JCAD: variants seen among roughly 807,000 people sequenced by gnomAD.
JCAD encodes junctional cadherin 5-associated protein.
Under a neutral mutation model 98.0 loss-of-function variants are expected in JCAD, and 40 were observed. The observed-to-expected ratio is 0.41, with a 90% CI of 0.32 to 0.53. The LOEUF (loss-of-function observed/expected upper bound fraction) is 0.53, where lower values mean the gene tolerates loss of function less well. JCAD is among the 20% of genes least tolerant of loss of function. The probability of loss-of-function intolerance (pLI) is 0.31; values close to 1 mark genes in which losing one functional copy is unlikely to be tolerated. For synonymous variants in JCAD, 691 were observed against 682.3 expected, an observed-to-expected ratio of 1.01 and a Z score of -0.20; for missense variants, 1,705 against 1,738.1, an observed-to-expected ratio of 0.98 and a Z score of 0.34.
At chr10:30,103,494 C>T (rs745407914) in intron 1 of JCAD, among the ~76,000 whole-genome samples, 23 of 152,112 alleles carry the variant, frequency 1.5e-4, no homozygotes, top group Middle Eastern at 3.4e-3. Context: ...GAACTTCAAA[C>T]GTTGTATGTC....
Position 30,023,240 on chromosome 10 carries a change from G to A in JCAD, c.4045+2863C>T, listed in dbSNP as rs114572994. ...TTTAGTAGAGACAGGTTTTCACCAC[G>A]TTGGCCACACCAGTCTTGAACTCCT... On this transcript the variant is annotated intron_variant, in intron 3 of 3. Transcript: ENST00000375377. 3.9e-3 allele frequency among the ~76,000 whole-genome samples: 594 copies of A among 152,148 alleles called. 5 individuals are homozygous for A. Among genetic ancestry groups the A allele is most frequent in the African/African-American group, 0.013 (538 of 41,510 alleles).
At chr10:30,019,789 C>T (rs1836618901) in intron 3 of JCAD, among the ~76,000 whole-genome samples, 1 of 152,076 alleles carries the variant, frequency 6.6e-6, no homozygotes, top group South Asian at 2.1e-4. Flanking sequence ...CTCAAAAAAA[C>T]TGGTAACTAT....
In JCAD at chr10:30,028,730, G is replaced by A. The variant is rs371793411; in HGVS notation, c.1418C>T (p.Ala473Val). The change falls in exon 3 of 4, where the codon GCC becomes GTC. Residue 473 changes from alanine to valine, a missense_variant. Physicochemically the swap from Ala to Val is moderately conservative, Grantham distance 64 (BLOSUM62 0). Transcript: ENST00000375377. ...TATTAAGCTCTGTGGATTCCAAATG[G>A]CACCATCAGGCTGCATTCCTCCATG... is the stretch of plus-strand genomic sequence containing the variant. Reference protein sequence around the residue: ...PAHGGMQPDGAIWNPQSLIPP... With the variant: ...PAHGGMQPDGVIWNPQSLIPP... The A allele has an allele frequency of 6.2e-7, 1 of 1,613,978 alleles. No individual in the cohort carries two copies. The highest frequency in any genetic ancestry group is 1.7e-5 in the Admixed American group (1 of 60,012).
chr10:30,051,284 G>GCACACA (rs58845322), intron 1 of JCAD, among the ~76,000 whole-genome samples: 48,475 of 146,668 alleles, frequency 0.33, 8,874 homozygotes, highest in Non-Finnish European at 0.45. Context: ...ACACACGCAC[G>GCACACA]CACACACACA....
intron 2 of JCAD, among the ~76,000 whole-genome samples, chr10:30,045,254 G>A (rs924995667): frequency 3.9e-5 from 6 of 152,040 alleles, no homozygotes; most frequent in South Asian, 2.1e-4. Flanking sequence ...GCCTCCCACC[G>A]TGAGACTCAA....
intron 3 of JCAD, among the ~76,000 whole-genome samples, chr10:30,024,680 C>T (rs1417187817): frequency 1.3e-5 from 2 of 151,474 alleles, no homozygotes; most frequent in Non-Finnish European, 2.9e-5. Context: ...TTGAGAGTGC[C>T]CATGTACATT....
At chr10:30,042,154 T>A (rs1019611838) in intron 2 of JCAD, among the ~76,000 whole-genome samples, 1 of 152,062 alleles carries the variant, frequency 6.6e-6, no homozygotes, top group African/African-American at 2.4e-5. Flanking sequence ...CTCTATGGAG[T>A]CAACGACTTA....
chr10:30,078,067 C>A (rs930765862), intron 1 of JCAD, among the ~76,000 whole-genome samples: 1 of 152,172 alleles, frequency 6.6e-6, no homozygotes, highest in Non-Finnish European at 1.5e-5. Flanking sequence ...ATATCCCTGC[C>A]AATATTTGTG....
intron 1 of JCAD, among the ~76,000 whole-genome samples, chr10:30,100,636 G>A (rs1216958225): frequency 2.6e-5 from 4 of 152,096 alleles, no homozygotes; most frequent in Admixed American, 2.0e-4. Context: ...TGCCCACCTC[G>A]GCCTCCCAAA....
chr10:30,026,633 G>A lies in JCAD; in HGVS notation c.3515C>T (p.Ala1172Val), dbSNP rs748034498. ...CCCGTCCACATCTGAGTGCTCAAAA[G>A]CCTGAGGAGCCCGCCTGGCACTGTC... ...DRDSARRAPQ[A>V]FEHSDVDGVV... Residue 1172 changes from alanine to valine, a missense_variant, in exon 3 of 4, where the codon GCT becomes GTT. Physicochemically the swap from Ala to Val is moderately conservative, Grantham distance 64. Coordinates refer to ENST00000375377, the MANE Select transcript of JCAD (RefSeq NM_020848.4). The A allele has an allele frequency of 1.2e-6, 2 of 1,613,164 alleles. No homozygotes were observed. The highest frequency in any genetic ancestry group is 1.7e-6 in the Non-Finnish European group (2 of 1,180,030).
chr10:30,083,170 T>C (rs750698889), intron 1 of JCAD, among the ~76,000 whole-genome samples: 10 of 152,216 alleles, frequency 6.6e-5, no homozygotes, highest in Non-Finnish European at 1.3e-4. Context: ...TATTTTTTTT[T>C]AACCATGAGA....
chr10:30,092,852 G>C (rs1838307594), intron 1 of JCAD, among the ~76,000 whole-genome samples: 1 of 152,114 alleles, frequency 6.6e-6, no homozygotes, highest in Non-Finnish European at 1.5e-5. Flanking sequence ...TTACTGCTTA[G>C]CATCTCCAAC....
chr10:30,110,960 C>T (rs1838688140), intron 1 of JCAD, among the ~76,000 whole-genome samples: 1 of 152,190 alleles, frequency 6.6e-6, no homozygotes. Flanking sequence ...TATGGACCCC[C>T]TGATGTATGG....
At chr10:30,062,669 C>G (rs1418517598), upstream of JCAD, among the ~76,000 whole-genome samples, 1 of 152,128 alleles carries the variant, frequency 6.6e-6, no homozygotes, top group Non-Finnish European at 1.5e-5. Flanking sequence ...AAAGGAGAAG[C>G]AAAGGCGCGC....
At chr10:30,092,052 AAAAAAAAAAAAAATATATAT>A (rs1472023116) in intron 1 of JCAD, among the ~76,000 whole-genome samples, 3 of 25,406 alleles carry the variant, frequency 1.2e-4, no homozygotes, top group African/African-American at 4.6e-4. Context: ...AAAAAAAAAA[AAAAAAAAAAAAAATATATAT>A]ATATATATAT....
rs370063401 is a variant in JCAD at position 30,026,780 on chromosome 10, G to T, written c.3368C>A (p.Ser1123Tyr). The part of the protein sequence containing the change: ...EPDASACTPE[S>Y]PQEELLSRPA... ...GCGAGATAGCAACTCTTCCTGGGGG[G>T]ACTCTGGGGTGCAGGCACTTGCATC... The change falls in exon 3 of 4, where the codon TCC becomes TAC. Residue 1123 changes from serine (S) to tyrosine (Y), a missense_variant. Physicochemically the swap from Ser to Tyr is moderately radical, Grantham distance 144. This residue lies in a region of JCAD where 1,278 missense variants were observed against 1,243.1 expected (regional missense o/e 1.03). Transcript: ENST00000375377. The T allele has an allele frequency of 6.8e-5, 109 of 1,614,146 alleles. No homozygotes were observed. The highest frequency in any genetic ancestry group is 8.9e-5 in the Non-Finnish European group (105 of 1,180,042).
intron 1 of JCAD, among the ~76,000 whole-genome samples, chr10:30,103,781 G>A (rs1189952073): frequency 6.7e-6 from 1 of 148,974 alleles, no homozygotes; most frequent in Non-Finnish European, 1.5e-5. Context: ...GCCCAAGCTG[G>A]AGTGCAATGA....
chr10:30,037,766 G>A (rs149951848), intron 2 of JCAD, among the ~76,000 whole-genome samples: 2 of 152,174 alleles, frequency 1.3e-5, no homozygotes, highest in East Asian at 3.9e-4. Context: ...AAAGGCACTT[G>A]AGTTATCAAC....
At chr10:30,061,435 G>A (rs1334614417), upstream of JCAD, among the ~76,000 whole-genome samples, 1 of 151,984 alleles carries the variant, frequency 6.6e-6, no homozygotes, top group Non-Finnish European at 1.5e-5. Flanking sequence ...CCAGGTACTC[G>A]GGATGCTGAG....
Sources: gnomAD v4.1 joint callset for allele counts (sites outside exome capture counted in the v4.1 genomes callset) on GRCh38, gnomAD v4.1.1 for gene constraint, gnomAD v4.1.1 regional missense constraint, MANE v1.5 for transcripts, NCBI Gene and HGNC (gene_info 2026-07-23, HGNC 2026-07-21) for gene names.